Variants in CDH19 observed in about 807,000 individuals in gnomAD.
CDH19 encodes the protein cadherin 19.
CDH19 carries 67 observed loss-of-function variants against 64.2 expected under a neutral mutation model. That is an observed-to-expected ratio of 1.04 (90% CI 0.86 to 1.28). The LOEUF is 1.28. Among genes scored for constraint, CDH19 ranks in the 50% most tolerant of loss-of-function variants. The pLI, the probability that CDH19 is intolerant of heterozygous loss-of-function variation, is 0.00. For missense variants in CDH19, 1,030 were observed against 929.0 expected, an observed-to-expected ratio of 1.11 and a Z score of -1.41; for synonymous variants, 346 against 319.3, an observed-to-expected ratio of 1.08 and a Z score of -0.89.
intron 3 of CDH19, among the ~76,000 whole-genome samples, chr18:66,561,449 C>T (rs922815593): frequency 6.6e-6 from 1 of 152,064 alleles, no homozygotes; most frequent in Non-Finnish European, 1.5e-5. Context: ...TTGCCACAGC[C>T]TTAAGTCCTA....
In CDH19 at chr18:66,578,286, G is replaced by A. The variant is rs532847516; in HGVS notation, c.-112-5970C>T. Among the ~76,000 whole-genome samples the A allele has an allele frequency of 8.5e-5, 13 of 152,048 alleles. No individual in the cohort carries two copies. The South Asian group carries it at 2.7e-3, about 31-fold the overall frequency. ...CAAGGACTTTCAAAACTTGGAAACA[G>A]AGATTCATCACAATTTTTTTAAATA... On this transcript the variant is annotated intron_variant, in intron 1 of 11. Transcript: ENST00000262150.
At chr18:66,574,427 C>T (rs773957409) in intron 1 of CDH19, among the ~76,000 whole-genome samples, 110 of 151,228 alleles carry the variant, frequency 7.3e-4, no homozygotes, top group Non-Finnish European at 1.3e-3. Context: ...AAAGATTAAA[C>T]TTTTAGAGAA....
chr18:66,591,806 A>T (rs1286481454), intron 1 of CDH19, among the ~76,000 whole-genome samples: 2 of 151,846 alleles, frequency 1.3e-5, no homozygotes, highest in Non-Finnish European at 2.9e-5. Context: ...TATTTTGAAG[A>T]CATTTTTTGC....
chr18:66,545,152 G>A (rs1394492866), intron 5 of CDH19, among the ~76,000 whole-genome samples: 1 of 151,826 alleles, frequency 6.6e-6, no homozygotes, highest in Non-Finnish European at 1.5e-5. Flanking sequence ...CTAATTTTTT[G>A]TATTTTTAGT....
chr18:66,561,505 C>T (rs1599016724), intron 3 of CDH19, among the ~76,000 whole-genome samples: 1 of 152,120 alleles, frequency 6.6e-6, no homozygotes, highest in East Asian at 1.9e-4. Context: ...TGGGTAACTA[C>T]CAAATGATGG....
intron 5 of CDH19, among the ~76,000 whole-genome samples, chr18:66,549,957 T>C (rs1987279420): frequency 6.6e-6 from 1 of 152,048 alleles, no homozygotes; most frequent in Non-Finnish European, 1.5e-5. Context: ...AAAAATGACA[T>C]GATTTCACTT....
rs574112557 is a variant in CDH19, at chr18:66,568,431, C to T, written c.475G>A (p.Glu159Lys). 3 of 1,610,888 alleles carry T rather than the reference C, an allele frequency of 1.9e-6. No homozygotes were observed. In the South Asian group the frequency reaches 3.3e-5, roughly 18 times the overall value. Reference sequence around the variant, plus strand: ...TATGCAATACCTTCTGGAGACATCTCTGGTACAATGGCCTCATAAGGTTCA... The same window carrying T: ...TATGCAATACCTTCTGGAGACATCTTTGGTACAATGGCCTCATAAGGTTCA... ...LDEPYEAIVP[E>K]MSPEGTLVIQ... Residue 159 changes from glutamate (E) to lysine (K), a missense_variant, in exon 3 of 12, where the codon GAG becomes AAG. Transcript: ENST00000262150.
chr18:66,592,076 T>C (rs1988762571), intron 1 of CDH19, among the ~76,000 whole-genome samples: 1 of 151,878 alleles, frequency 6.6e-6, no homozygotes, highest in Non-Finnish European at 1.5e-5. Flanking sequence ...GGTTCTTCTC[T>C]AATGTTTCCT....
chr18:66,525,239 C>G (rs1293385108), intron 9 of CDH19, among the ~76,000 whole-genome samples: 3 of 151,864 alleles, frequency 2.0e-5, no homozygotes, highest in Non-Finnish European at 2.9e-5. Context: ...CTTTTACTAC[C>G]CTTTGTAATA....
At chr18:66,573,126 T>C (rs951028726) in intron 1 of CDH19, among the ~76,000 whole-genome samples, 1 of 151,700 alleles carries the variant, frequency 6.6e-6, no homozygotes, top group Admixed American at 6.6e-5. Flanking sequence ...TCATGATGGG[T>C]ACCTCTAATC....
chr18:66,588,605 C>CATATATATATATATAT (rs1263242803), intron 1 of CDH19, among the ~76,000 whole-genome samples: 1,937 of 115,228 alleles, frequency 0.017, 288 homozygotes, highest in Non-Finnish European at 0.028. Context: ...TTTTACTAAT[C>CATATATATATATATAT]ATATATATCT....
At chr18:66,571,859 T>C (rs1262596402) in intron 2 of CDH19, 151 bp downstream of exon 2, 13 of 546,378 alleles carry the variant, frequency 2.4e-5, no homozygotes, top group Non-Finnish European at 3.8e-5. Flanking sequence ...TTTAGGTGCT[T>C]GCAAATCTGA....
chr18:66,578,165 C>A (rs9957517), intron 1 of CDH19, among the ~76,000 whole-genome samples: 2 of 151,782 alleles, frequency 1.3e-5, no homozygotes, highest in South Asian at 2.1e-4. Context: ...TCTCTGCGAG[C>A]CATTATGTGG....
intron 9 of CDH19, among the ~76,000 whole-genome samples, chr18:66,513,877 C>T (rs1421663258): frequency 6.6e-6 from 1 of 151,430 alleles, no homozygotes; most frequent in Non-Finnish European, 1.5e-5. Context: ...TTGCTCTCTA[C>T]GTAGAATGTT....
intron 6 of CDH19, 68 bp downstream of exon 6, chr18:66,544,651 G>C: frequency 1.9e-6 from 2 of 1,079,702 alleles, no homozygotes; most frequent in Non-Finnish European, 2.6e-6. Flanking sequence ...AAACTAACCA[G>C]CTACACAAAA....
intron 7 of CDH19, among the ~76,000 whole-genome samples, chr18:66,541,015 A>C (rs1227625608): frequency 6.6e-6 from 1 of 152,126 alleles, no homozygotes; most frequent in Non-Finnish European, 1.5e-5. Flanking sequence ...CTAAATATTA[A>C]ATTTTTCCAT....
chr18:66,580,178 T>G (rs570086521), intron 1 of CDH19, among the ~76,000 whole-genome samples: 2 of 152,016 alleles, frequency 1.3e-5, no homozygotes, highest in Non-Finnish European at 1.5e-5. Flanking sequence ...TGACAATGTA[T>G]AGAAAGCAGA....
chr18:66,510,551 T>A (rs752148945), intron 10 of CDH19, among the ~76,000 whole-genome samples: 2 of 144,014 alleles, frequency 1.4e-5, no homozygotes, highest in Non-Finnish European at 3.0e-5. Flanking sequence ...TAATAAAAAA[T>A]AAATAAATAA....
intron 1 of CDH19, among the ~76,000 whole-genome samples, chr18:66,580,389 A>G (rs1988388777): frequency 6.6e-6 from 1 of 152,124 alleles, no homozygotes; most frequent in African/African-American, 2.4e-5. Flanking sequence ...TTAGGATACC[A>G]TATGATAATA....
Sources: gnomAD v4.1 joint callset for allele counts (sites outside exome capture counted in the v4.1 genomes callset) on GRCh38, gnomAD v4.1.1 for gene constraint, MANE v1.5 for transcripts, NCBI Gene and HGNC (gene_info 2026-07-23, HGNC 2026-07-21) for gene names.